The following UBN2 variants were observed in gnomAD, a reference collection of about 807,000 sequenced individuals.
UBN2 encodes ubinuclein 2.
UBN2 carries 35 observed loss-of-function variants against 120.2 expected under a neutral mutation model. That is an observed-to-expected ratio of 0.29 (90% CI 0.22 to 0.39). The LOEUF (loss-of-function observed/expected upper bound fraction) is 0.39, where lower values mean the gene tolerates loss of function less well. Among genes scored for constraint, UBN2 ranks in the 10% least tolerant of loss-of-function variants. The pLI is 1.00. For synonymous variants in UBN2, 661 were observed against 648.7 expected (o/e 1.02, Z -0.29); for missense variants, 1,693 against 1,663.2 (o/e 1.02, Z -0.31).
In UBN2 at chr7:139,261,273, C is replaced by T; in HGVS notation, c.927C>T (p.His309=). 1 of 1,608,422 alleles carries T rather than the reference C, an allele frequency of 6.2e-7. No homozygotes were observed. The highest frequency in any genetic ancestry group is 8.5e-7 in the Non-Finnish European group (1 of 1,178,050). ...ACAGAGTTGTGGCTCTAAATTCACACAAGTCTGAAAAAAAGAAGAAACGTT... is the reference window on the plus strand; with the variant it reads ...ACAGAGTTGTGGCTCTAAATTCACATAAGTCTGAAAAAAAGAAGAAACGTT... ...KQLGVVALNS[H]KSEKKKKRYK... is the part of the protein sequence containing the mutation. Residue 309 remains histidine (H), a synonymous_variant, in exon 6 of 18, where the codon CAC becomes CAT. Coordinates refer to ENST00000473989, the MANE Select transcript of UBN2 (RefSeq NM_173569.4).
intron 15 of UBN2, among the ~76,000 whole-genome samples, chr7:139,290,865 G>T (rs149008053): frequency 6.6e-6 from 1 of 152,170 alleles, no homozygotes; most frequent in African/African-American, 2.4e-5. Flanking sequence ...GTAATGTTAT[G>T]TGGCATGTGT....
intron 9 of UBN2, 126 bp downstream of exon 9, chr7:139,272,566 G>A (rs1797312862): frequency 2.8e-6 from 2 of 703,838 alleles, no homozygotes; most frequent in African/African-American, 3.7e-5. Context: ...TCAGTCTGTT[G>A]CCCAGGCTGG....
chr7:139,242,477 G>A (rs1411913514), intron 2 of UBN2, among the ~76,000 whole-genome samples: 1 of 152,176 alleles, frequency 6.6e-6, no homozygotes, highest in African/African-American at 2.4e-5. Flanking sequence ...AATACCAGTG[G>A]ATTTAGGGTT....
At chr7:139,250,736 C>T (rs552037089) in intron 2 of UBN2, among the ~76,000 whole-genome samples, 9 of 151,980 alleles carry the variant, frequency 5.9e-5, no homozygotes, top group South Asian at 2.1e-4. Flanking sequence ...TCAGATTTCA[C>T]GTACTCATTT....
chr7:139,258,672 A>G, intron 4 of UBN2, 47 bp downstream of exon 4: 2 of 1,473,250 alleles, frequency 1.4e-6, no homozygotes, highest in African/African-American at 1.4e-5. Context: ...TTCAATTAAT[A>G]GGATTTTTTT....
chr7:139,251,248 G>T (rs1382771414), intron 2 of UBN2, among the ~76,000 whole-genome samples: 2 of 152,156 alleles, frequency 1.3e-5, no homozygotes, highest in Non-Finnish European at 2.9e-5. Context: ...ACAATACAGA[G>T]AGTTCCCATA....
intron 13 of UBN2, among the ~76,000 whole-genome samples, chr7:139,279,677 A>G (rs945778278): frequency 2.6e-5 from 4 of 152,334 alleles, no homozygotes; most frequent in African/African-American, 9.6e-5. Flanking sequence ...ACCAGAAACA[A>G]AAAAGGAGCT....
chr7:139,266,350 T>G lies in UBN2; in HGVS notation c.1413T>G (p.Asp471Glu). 6.3e-7 allele frequency: 1 copy of G among 1,583,996 alleles called. No homozygotes were observed. Among genetic ancestry groups the G allele is most frequent in the Admixed American group, 1.7e-5 (1 of 58,064 alleles). ...EDLRVAAKLF[D>E]EEGRKKFFTQ... ...TTCTTTAGGCTGCCAAACTTTTTGA[T>G]GAAGAAGGAAGGAAAAAATTCTTTA... The change falls in exon 7 of 18, where the codon GAT becomes GAG. Residue 471 changes from aspartate to glutamate, a missense_variant. Asp to Glu is a conservative substitution (Grantham distance 45). Coordinates refer to ENST00000473989, the MANE Select transcript of UBN2 (RefSeq NM_173569.4).
At chr7:139,324,728 C>T in the UBN2 span, among the ~76,000 whole-genome samples, 272 of 151,822 alleles carry the variant, frequency 1.8e-3, 2 homozygotes, top group East Asian at 0.018. Context: ...CCCAGCACTT[C>T]GGGAGGCTGA....
chr7:139,273,017 G>A (rs1797334719), intron 9 of UBN2, among the ~76,000 whole-genome samples: 1 of 152,216 alleles, frequency 6.6e-6, no homozygotes, highest in South Asian at 2.1e-4. Context: ...TGACACTGGT[G>A]AGAGATTTCA....
downstream of UBN2, among the ~76,000 whole-genome samples, chr7:139,309,074 A>C (rs4732364): frequency 0.01 from 1,527 of 152,354 alleles, 10 homozygotes; most frequent in African/African-American, 0.022. Context: ...TCAACAACAA[A>C]AAAAAGAAAT....
chr7:139,239,931 A>G (rs1796270189), intron 2 of UBN2, among the ~76,000 whole-genome samples: 1 of 152,206 alleles, frequency 6.6e-6, no homozygotes, highest in Non-Finnish European at 1.5e-5. Flanking sequence ...AAATTCCTAT[A>G]TATAATCCTA....
intron 15 of UBN2, among the ~76,000 whole-genome samples, chr7:139,291,278 T>C (rs908038207): frequency 6.7e-6 from 1 of 150,158 alleles, no homozygotes; most frequent in Non-Finnish European, 1.5e-5. Context: ...GGAGAATTGC[T>C]TGAACCCAGG....
At chr7:139,327,132 C>T in the UBN2 span, among the ~76,000 whole-genome samples, 6 of 152,230 alleles carry the variant, frequency 3.9e-5, no homozygotes, top group Admixed American at 1.3e-4. Flanking sequence ...CTCCCGGGTT[C>T]AAGCGATTAT....
rs963260551 is a variant in UBN2, at chr7:139,306,874, T to C, written c.*9038T>C. 6.6e-6 allele frequency: 1 copy of C among 152,214 alleles called. No individual in the cohort carries two copies. The highest frequency in any genetic ancestry group is 6.5e-5 in the Admixed American group (1 of 15,286). 9.4% of individuals were successfully genotyped at this position (152,214 alleles called of 1,614,324 possible). A position where few individuals can be genotyped will look rare whatever the true frequency, so the allele number is the denominator to read the frequency against. Reference sequence around the variant, plus strand: ...CCAAGGTAACTAAGTAATGGATGTTTTCTCTCTTTTATTACAAGCAAGAAA... The same window carrying C: ...CCAAGGTAACTAAGTAATGGATGTTCTCTCTCTTTTATTACAAGCAAGAAA... On this transcript the variant is annotated 3_prime_UTR_variant, in exon 18 of 18. Transcript: ENST00000473989.
At chr7:139,318,559 G>T in the UBN2 span, among the ~76,000 whole-genome samples, 1 of 152,126 alleles carries the variant, frequency 6.6e-6, no homozygotes, top group African/African-American at 2.4e-5. Flanking sequence ...CCAGAATGCA[G>T]TGTTGTGATC....
intron 6 of UBN2, among the ~76,000 whole-genome samples, chr7:139,262,952 T>G (rs1036403817): frequency 6.6e-6 from 1 of 152,188 alleles, no homozygotes; most frequent in Non-Finnish European, 1.5e-5. Context: ...AGCTATCGTT[T>G]ATTTAGCAGG....
chr7:139,282,985 C>A, intron 14 of UBN2, 39 bp from the exon 15 acceptor site: 1 of 1,390,768 alleles, frequency 7.2e-7, no homozygotes, highest in Non-Finnish European at 9.6e-7. Context: ...ATTTTTTATT[C>A]ACCATTTCTA....
downstream of UBN2, among the ~76,000 whole-genome samples, chr7:139,310,764 C>T (rs576099216): frequency 9.2e-5 from 14 of 152,150 alleles, no homozygotes; most frequent in Non-Finnish European, 1.0e-4. Context: ...CAGAGTGAGA[C>T]GCCGTCTCAA....
Sources: allele counts gnomAD v4.1 joint callset (sites outside exome capture counted in the v4.1 genomes callset), GRCh38; gene constraint gnomAD v4.1.1; transcripts MANE v1.5; gene names NCBI Gene and HGNC (gene_info 2026-07-23, HGNC 2026-07-21).